Variants in NFYA observed in about 807,000 individuals in gnomAD.
The protein encoded by NFYA is nuclear transcription factor Y subunit alpha, also known as CAAT-box DNA binding protein subunit A.
Under a neutral mutation model 52.8 loss-of-function variants are expected in NFYA, and 28 were observed. The observed-to-expected ratio is 0.53, with a 90% CI of 0.39 to 0.73. The LOEUF (loss-of-function observed/expected upper bound fraction) is 0.73, where lower values mean the gene tolerates loss of function less well. NFYA is among the 30% of genes least tolerant of loss of function. The pLI is 0.00. For missense variants in NFYA, 234 were observed against 427.0 expected (o/e 0.55, Z 3.98); for synonymous variants, 150 against 150.7 (o/e 1.00, Z 0.03).
At chr6:41,089,077 C>G (rs567573594) in intron 4 of NFYA, among the ~76,000 whole-genome samples, 2 of 152,046 alleles carry the variant, frequency 1.3e-5, no homozygotes, top group African/African-American at 2.4e-5. Flanking sequence ...CCTCCGCCTC[C>G]GGTTCAAGTG....
At chr6:41,075,713 A>G (rs911947923) in intron 1 of NFYA, 1 of 139,278 alleles carries the variant, frequency 7.2e-6, no homozygotes, top group Admixed American at 7.6e-5. Flanking sequence ...TAGCAAAGAA[A>G]AAAAAAGTTC....
At chr6:41,096,297 T>TGA (rs1296311084) in intron 9 of NFYA, among the ~76,000 whole-genome samples, 1 of 152,212 alleles carries the variant, frequency 6.6e-6, no homozygotes, top group African/African-American at 2.4e-5. Flanking sequence ...ACCTGTAGTG[T>TGA]GAGAGCCCCT....
intron 3 of NFYA, among the ~76,000 whole-genome samples, chr6:41,081,971 C>T (rs578008292): frequency 3.2e-4 from 48 of 152,338 alleles, no homozygotes; most frequent in Non-Finnish European, 1.5e-5. Context: ...CAGCACTAGT[C>T]TACTCTGTGT....
chr6:41,089,059 C>T (rs897494303), intron 4 of NFYA, among the ~76,000 whole-genome samples: 1 of 152,116 alleles, frequency 6.6e-6, no homozygotes, highest in Non-Finnish European at 1.5e-5. Context: ...GATCTCGGCT[C>T]ACTGCAACCT....
At chr6:41,083,121 T>G (rs140240943) in intron 3 of NFYA, among the ~76,000 whole-genome samples, 1 of 152,374 alleles carries the variant, frequency 6.6e-6, no homozygotes, top group African/African-American at 2.4e-5. Context: ...TTTTGGACTA[T>G]TCCATGGATC....
chr6:41,074,965 A>G lies in NFYA; in HGVS notation c.-62+1881A>G, dbSNP rs576012632. Among the ~76,000 whole-genome samples the G allele has an allele frequency of 2.6e-5, 4 of 152,322 alleles. No individual in the cohort carries two copies. In the South Asian group the frequency reaches 8.3e-4, roughly 32 times the overall value. On this transcript the variant is annotated intron_variant, in intron 1 of 9. Coordinates refer to ENST00000341376, the MANE Select transcript of NFYA (RefSeq NM_002505.5). ...ATCTGGTGCCCATTTCTAAATTCAC[A>G]TTTAATGTTATACAACTAATAGGTT...
intron 4 of NFYA, among the ~76,000 whole-genome samples, chr6:41,088,445 A>AAAAT (rs1764108005): frequency 5.3e-5 from 8 of 149,928 alleles, no homozygotes; most frequent in Non-Finnish European, 8.9e-5. Context: ...AAAAAAAAAA[A>AAAAT]TTTATTTTAT....
At position 41,089,841 on chromosome 6, in the gene NFYA, C is replaced by T. The variant is rs150485775; in HGVS notation, c.441+131C>T. The T allele has an allele frequency of 1.6e-4, 203 of 1,297,782 alleles. 1 individual carries two copies. In the East Asian group the frequency reaches 4.4e-3, roughly 28 times the overall value. 80.4% of individuals were successfully genotyped at this position (1,297,782 alleles called of 1,614,324 possible). A position where few individuals can be genotyped will look rare whatever the true frequency, so the allele number is the denominator to read the frequency against. The stretch of plus-strand genomic sequence containing the variant: ...AACCATAAAAAAATATATTTTTGGC[C>T]GGGCGCGGTGGCTCATGCCTGTAAT... On this transcript the variant is annotated intron_variant, in intron 5 of 9. Coordinates refer to ENST00000341376, the MANE Select transcript of NFYA (RefSeq NM_002505.5).
At position 41,081,489 on chromosome 6, in the gene NFYA, C is replaced by CA. The variant is rs879592136; in HGVS notation, c.162+606dup. 9.8e-3 allele frequency among the ~76,000 whole-genome samples: 1,001 copies of CA among 101,928 alleles called. 8 individuals carry two copies. The highest frequency in any genetic ancestry group is 0.039 in the South Asian group (129 of 3,286). 66.9% of individuals were successfully genotyped at this position (101,928 alleles called of 152,430 possible). On this transcript the variant is annotated intron_variant, in intron 3 of 9. Coordinates refer to ENST00000341376, the MANE Select transcript of NFYA (RefSeq NM_002505.5). ...TGGGTGACAGAGCGAGACTCCGTCT[C>CA]AAAAAAAAAAAAAAGAATTTATTCA...
rs182037473 is a variant in NFYA at position 41,098,220 on chromosome 6, G to C, written c.*810G>C. The C allele has an allele frequency of 5.2e-4, 79 of 152,758 alleles. No homozygotes were observed. Among genetic ancestry groups the C allele is most frequent in the Non-Finnish European group, 8.8e-5 (6 of 68,054 alleles). 9.5% of individuals were successfully genotyped at this position (152,758 alleles called of 1,614,324 possible). On this transcript the variant is annotated 3_prime_UTR_variant, in exon 10 of 10. Coordinates refer to ENST00000341376, the MANE Select transcript of NFYA (RefSeq NM_002505.5). ...ACCTTGAAACTGCCTTTCCTAAGTA[G>C]AGAACAAGACTATTCAACAACTTCT...
chr6:41,101,877 C>T lies in NFYA; in HGVS notation c.*4467C>T, dbSNP rs1223051633. 6.6e-6 allele frequency: 1 copy of T among 152,198 alleles called. No homozygotes were observed. The highest frequency in any genetic ancestry group is 2.4e-5 in the African/African-American group (1 of 41,436). The allele number at this position is 152,198 out of a possible 1,614,324, so 9.4% of individuals were successfully genotyped here. ...GCCCTTAGTAGTTTCTAAGTTACAC[C>T]ATGTTAATGGATAAAGGAATTACTC... is the stretch of plus-strand genomic sequence containing the variant. On this transcript the variant is annotated 3_prime_UTR_variant, in exon 10 of 10. Coordinates refer to ENST00000341376, the MANE Select transcript of NFYA (RefSeq NM_002505.5).
At chr6:41,084,826 G>C (rs988909770) in intron 4 of NFYA, among the ~76,000 whole-genome samples, 6 of 152,178 alleles carry the variant, frequency 3.9e-5, no homozygotes, top group Non-Finnish European at 8.8e-5. Context: ...GCCGGGCGTG[G>C]TGGCACGCAC....
intron 2 of NFYA, among the ~76,000 whole-genome samples, chr6:41,080,230 G>C (rs955509088): frequency 2.6e-5 from 4 of 152,040 alleles, no homozygotes; most frequent in African/African-American, 9.7e-5. Context: ...AGGAAGGTTG[G>C]CTTAAGCCCA....
chr6:41,084,689 G>A (rs773029178), intron 4 of NFYA, among the ~76,000 whole-genome samples: 4 of 152,240 alleles, frequency 2.6e-5, no homozygotes, highest in Non-Finnish European at 4.4e-5. Flanking sequence ...AAGGCCAGGC[G>A]CAGTGGCTCA....
rs774868192 is a variant in NFYA at position 41,094,435 on chromosome 6, C to T, written c.928C>T (p.Arg310Trp). The T allele has an allele frequency of 6.2e-7, 1 of 1,614,148 alleles. No homozygotes were observed. ...GTCTCGGCACCGTCATGCCATGGCACGGAAGCGTGGTGAAGGTGGACGATT... is the reference window on the plus strand; with the variant it reads ...GTCTCGGCACCGTCATGCCATGGCATGGAAGCGTGGTGAAGGTGGACGATT... ...HESRHRHAMARKRGEGGRFFS... is the reference protein window; with the variant it reads ...HESRHRHAMAWKRGEGGRFFS... The change falls in exon 9 of 10, where the codon CGG becomes TGG. Residue 310 changes from arginine (R) to tryptophan (W), a missense_variant. Around this residue, in one of 3 missense-constraint regions of NFYA, gnomAD observed 81 missense variants for 210.5 expected, o/e 0.38. Coordinates refer to ENST00000341376, the MANE Select transcript of NFYA (RefSeq NM_002505.5).
Position 41,084,183 on chromosome 6 carries a change from T to G in NFYA, c.300T>G (p.Gly100=). ...AAGTACCTGTTTCTGGAACACAGGGTTTGCAGCAAGTGAGTAATATTTAAA... is the reference window on the plus strand; with the variant it reads ...AAGTACCTGTTTCTGGAACACAGGGGTTGCAGCAAGTGAGTAATATTTAAA... ...IMQVPVSGTQ[G]LQQIQLVPPG... is the part of the protein sequence containing the mutation. Residue 100 remains glycine, a synonymous_variant, in exon 4 of 10, where the codon GGT becomes GGG. Transcript: ENST00000341376. 6.2e-7 allele frequency: 1 copy of G among 1,613,880 alleles called. No homozygotes were observed. The highest frequency in any genetic ancestry group is 8.5e-7 in the Non-Finnish European group (1 of 1,179,926).
In NFYA at chr6:41,100,926, G is replaced by T. The variant is rs910036096; in HGVS notation, c.*3516G>T. ...GATTGGCGTTGTCCCAAGGAAGCCT[G>T]CGCGGATTGATCGGCGGCAGGCCTC... On this transcript the variant is annotated 3_prime_UTR_variant, in exon 10 of 10. Transcript: ENST00000341376. The T allele has an allele frequency of 6.6e-6, 1 of 152,272 alleles. No homozygotes were observed. The highest frequency in any genetic ancestry group is 2.4e-5 in the African/African-American group (1 of 41,472). The allele number at this position is 152,272 out of a possible 1,614,324, so 9.4% of individuals were successfully genotyped here. A position where few individuals can be genotyped will look rare whatever the true frequency, so the allele number is the denominator to read the frequency against.
intron 1 of NFYA, among the ~76,000 whole-genome samples, chr6:41,077,144 C>T (rs1031718910): frequency 2.0e-5 from 3 of 152,112 alleles, no homozygotes; most frequent in African/African-American, 7.2e-5. Flanking sequence ...GAAAAAATCT[C>T]ATATAAGAAG....
intron 3 of NFYA, among the ~76,000 whole-genome samples, chr6:41,082,627 CTT>C (rs1419852743): frequency 6.6e-6 from 1 of 152,126 alleles, no homozygotes; most frequent in Non-Finnish European, 1.5e-5. Flanking sequence ...AGTGGAAACA[CTT>C]TATGGAAATA....
Sources: allele counts gnomAD v4.1 joint callset (sites outside exome capture counted in the v4.1 genomes callset), GRCh38; gene constraint gnomAD v4.1.1; regional missense constraint gnomAD v4.1.1; transcripts MANE v1.5; gene names NCBI Gene and HGNC (gene_info 2026-07-23, HGNC 2026-07-21).